GRM1: variants seen among roughly 807,000 people sequenced by gnomAD.
The protein encoded by GRM1 is glutamate metabotropic receptor 1.
Under a neutral mutation model 90.9 loss-of-function variants are expected in GRM1, and 33 were observed. The observed-to-expected ratio is 0.36, with a 90% CI of 0.28 to 0.49. The LOEUF is 0.49. GRM1 is among the 20% of genes least tolerant of loss of function. The probability of loss-of-function intolerance (pLI) is 0.99; values close to 1 mark genes in which losing one functional copy is unlikely to be tolerated. For missense variants in GRM1, 1,190 were observed against 1,534.3 expected, an observed-to-expected ratio of 0.78 and a Z score of 3.75; for synonymous variants, 700 against 613.2, an observed-to-expected ratio of 1.14 and a Z score of -2.09.
At position 146,433,897 on chromosome 6, in the gene GRM1, T is replaced by C; in HGVS notation, c.2686T>C (p.Ser896Pro). 2 of 1,613,342 alleles carry C rather than the reference T, an allele frequency of 1.2e-6. No homozygotes were observed. The highest frequency in any genetic ancestry group is 1.7e-6 in the Non-Finnish European group (2 of 1,179,262). The change falls in exon 8 of 8, where the codon TCT becomes CCT. Residue 896 changes from serine to proline, a missense_variant. Coordinates refer to ENST00000282753, the MANE Select transcript of GRM1 (RefSeq NM_001278064.2). Reference protein sequence around the residue: ...ANSNGKSVSWSEPGGGQVPKG... With the variant: ...ANSNGKSVSWPEPGGGQVPKG... ...TTCTAATGGCAAGTCTGTGTCATGG[T>C]CTGAACCAGGTGGAGGACAGGTGCC...
At chr6:146,115,463 C>A (rs1226347192) in intron 1 of GRM1, among the ~76,000 whole-genome samples, 1 of 152,098 alleles carries the variant, frequency 6.6e-6, no homozygotes, top group Non-Finnish European at 1.5e-5. Flanking sequence ...ATTCTTTATT[C>A]AATATTTCTT....
chr6:146,423,269 A>G (rs143039821), intron 7 of GRM1, among the ~76,000 whole-genome samples: 141 of 152,320 alleles, frequency 9.3e-4, no homozygotes, highest in African/African-American at 3.3e-3. Context: ...CCCTGAAGTC[A>G]ACCTCTTTCT....
intron 1 of GRM1, among the ~76,000 whole-genome samples, chr6:146,125,951 T>C (rs898978934): frequency 2.0e-5 from 3 of 152,152 alleles, no homozygotes; most frequent in African/African-American, 7.2e-5. Flanking sequence ...TTCAGATTGT[T>C]TTCTAATTAC....
rs188836295 is a variant in GRM1 at position 146,213,346 on chromosome 6, T to A, written c.950+53749T>A. Among the ~76,000 whole-genome samples the A allele has an allele frequency of 7.2e-5, 11 of 152,138 alleles. No homozygotes were observed. The East Asian group carries it at 1.9e-3, about 27-fold the overall frequency. ...AGGCCAGATATTAGAAGAAATTAAT[T>A]TTAATCTTCACCTGCAGAAAATCAA... On this transcript the variant is annotated intron_variant, in intron 2 of 7. Transcript: ENST00000282753.
At position 146,434,425 on chromosome 6, in the gene GRM1, C is replaced by T. The variant is rs146753539; in HGVS notation, c.3214C>T (p.Pro1072Ser). 62 of 1,613,760 alleles carry T rather than the reference C, an allele frequency of 3.8e-5. No individual in the cohort carries two copies. Among genetic ancestry groups the T allele is most frequent in the East Asian group, 1.1e-4 (5 of 44,852 alleles). ...GTCCCTGTACCCGCCCCCGCCACCT[C>T]CGCAGCACCTGCAGATGCTGCCGCT... The part of the protein sequence containing the change: ...LRSLYPPPPP[P>S]QHLQMLPLQL... Residue 1072 changes from proline (P) to serine (S), a missense_variant, in exon 8 of 8, where the codon CCG becomes TCG. Transcript: ENST00000282753.
At chr6:146,351,154 TATTTAGG>T (rs1785393253) in intron 3 of GRM1, among the ~76,000 whole-genome samples, 1 of 152,160 alleles carries the variant, frequency 6.6e-6, no homozygotes, top group Non-Finnish European at 1.5e-5. Context: ...TCCAGTGACC[TATTTAGG>T]TTGGAACAAA....
chr6:146,213,732 A>ATAGATAGG (rs1562532985), intron 2 of GRM1, among the ~76,000 whole-genome samples: 1 of 152,058 alleles, frequency 6.6e-6, no homozygotes, highest in Non-Finnish European at 1.5e-5. Flanking sequence ...AGATAGATAG[A>ATAGATAGG]TAGATGGATG....
intron 2 of GRM1, among the ~76,000 whole-genome samples, chr6:146,172,348 C>A (rs933795854): frequency 6.6e-6 from 1 of 152,202 alleles, no homozygotes; most frequent in African/African-American, 2.4e-5. Context: ...TTACATTGGG[C>A]ACACCTGTAT....
intron 6 of GRM1, among the ~76,000 whole-genome samples, chr6:146,391,283 T>G (rs1395615635): frequency 6.6e-6 from 1 of 152,008 alleles, no homozygotes; most frequent in African/African-American, 2.4e-5. Flanking sequence ...CAGATCAGAG[T>G]TATTGCCACC....
At chr6:146,221,239 C>T (rs938937719) in intron 2 of GRM1, among the ~76,000 whole-genome samples, 1 of 152,038 alleles carries the variant, frequency 6.6e-6, no homozygotes, top group Non-Finnish European at 1.5e-5. Context: ...ATGTGCAGAA[C>T]GTGCAGGTTT....
At chr6:146,248,679 G>C (rs1274296340) in intron 2 of GRM1, among the ~76,000 whole-genome samples, 1 of 152,158 alleles carries the variant, frequency 6.6e-6, no homozygotes, top group Non-Finnish European at 1.5e-5. Flanking sequence ...ATTGGTACAA[G>C]GAGTGAGGTA....
intron 2 of GRM1, among the ~76,000 whole-genome samples, chr6:146,195,943 G>A (rs1245048554): frequency 6.6e-6 from 1 of 152,176 alleles, no homozygotes; most frequent in Non-Finnish European, 1.5e-5. Flanking sequence ...GCTATGAAAA[G>A]GGACCACAAG....
intron 1 of GRM1, among the ~76,000 whole-genome samples, chr6:146,139,235 A>G (rs1562487379): frequency 6.6e-6 from 1 of 152,198 alleles, no homozygotes; most frequent in Non-Finnish European, 1.5e-5. Flanking sequence ...GTGGTCTAAT[A>G]TATGGCCTAT....
At chr6:146,397,504 A>AAAAAAAAAAAAAC (rs1777008123) in intron 6 of GRM1, among the ~76,000 whole-genome samples, 1 of 150,678 alleles carries the variant, frequency 6.6e-6, no homozygotes, top group African/African-American at 2.5e-5. Context: ...AAAAAAAAAA[A>AAAAAAAAAAAAAC]AGCACAAAAG....
intron 2 of GRM1, among the ~76,000 whole-genome samples, chr6:146,238,900 C>T (rs76988802): frequency 0.015 from 2,262 of 152,218 alleles, 27 homozygotes; most frequent in Middle Eastern, 0.034. Context: ...AAGGTTAAGC[C>T]TAAAAAATAT....
At chr6:146,390,587 A>T (rs1184453432) in intron 6 of GRM1, among the ~76,000 whole-genome samples, 1 of 149,522 alleles carries the variant, frequency 6.7e-6, no homozygotes, top group Non-Finnish European at 1.5e-5. Context: ...TTTCTCATTA[A>T]AAAAAAAAAC....
chr6:146,174,317 T>C (rs1182898400), intron 2 of GRM1, among the ~76,000 whole-genome samples: 1 of 152,176 alleles, frequency 6.6e-6, no homozygotes, highest in Non-Finnish European at 1.5e-5. Flanking sequence ...CTTTATGGGC[T>C]TCTGGATTTA....
chr6:146,226,083 T>C (rs2114689812), intron 2 of GRM1, among the ~76,000 whole-genome samples: 1 of 152,262 alleles, frequency 6.6e-6, no homozygotes, highest in East Asian at 1.9e-4. Flanking sequence ...CTGCTTCATT[T>C]AAGCCGATCA....
intron 2 of GRM1, among the ~76,000 whole-genome samples, chr6:146,283,309 C>A (rs563111500): frequency 1.3e-5 from 2 of 152,172 alleles, no homozygotes; most frequent in African/African-American, 4.8e-5. Context: ...CAGATACAAG[C>A]CCCCAACCCC....
Sources: allele counts gnomAD v4.1 joint callset (sites outside exome capture counted in the v4.1 genomes callset), GRCh38; gene constraint gnomAD v4.1.1; transcripts MANE v1.5; gene names NCBI Gene and HGNC (gene_info 2026-07-23, HGNC 2026-07-21).